NRG3: variants seen among roughly 807,000 people sequenced by gnomAD.
NRG3 encodes the protein pro-neuregulin-3, membrane-bound isoform.
NRG3 carries 31 observed loss-of-function variants against 66.9 expected under a neutral mutation model. The observed-to-expected ratio is 0.46, with a 90% CI of 0.35 to 0.63. The LOEUF is 0.63. Ranked by LOEUF, NRG3 falls within the 20% of genes least tolerant of loss-of-function variation. The pLI is 0.00. For synonymous variants in NRG3, 393 were observed against 359.4 expected, an observed-to-expected ratio of 1.09 and a Z score of -1.06; for missense variants, 910 against 878.9, an observed-to-expected ratio of 1.04 and a Z score of -0.45.
At chr10:82,438,473 T>C (rs2090260372) in intron 2 of NRG3, among the ~76,000 whole-genome samples, 2 of 152,264 alleles carry the variant, frequency 1.3e-5, no homozygotes, top group East Asian at 3.9e-4. Flanking sequence ...GAGCTTAGTG[T>C]GTTAGGCAGT....
chr10:82,503,608 C>G (rs1407306140), intron 2 of NRG3, among the ~76,000 whole-genome samples: 1 of 152,120 alleles, frequency 6.6e-6, no homozygotes, highest in Non-Finnish European at 1.5e-5. Context: ...GGCCCTCAAT[C>G]TATTTAGAAA....
intron 2 of NRG3, among the ~76,000 whole-genome samples, chr10:82,486,621 C>T (rs1842698902): frequency 1.3e-5 from 2 of 151,920 alleles, no homozygotes; most frequent in African/African-American, 4.8e-5. Context: ...ACCATGTTGG[C>T]GAGGCTGGTC....
rs577643407 is a variant in NRG3 at position 82,709,356 on chromosome 10, G to GT, written c.954-29212dup. ...TGTTTTTTGTTTGTTCCAGCAGCTG[G>GT]TTTTTTTTTGTTTTTGTTTTTTGTT... On this transcript the variant is annotated intron_variant, in intron 2 of 8. Coordinates refer to ENST00000372141, the MANE Select transcript of NRG3 (RefSeq NM_001010848.4). 4.4e-3 allele frequency among the ~76,000 whole-genome samples: 656 copies of GT among 147,986 alleles called. 3 individuals are homozygous for GT. The highest frequency in any genetic ancestry group is 0.014 in the Middle Eastern group (4 of 288).
chr10:82,306,574 G>A (rs1411917743), intron 1 of NRG3, among the ~76,000 whole-genome samples: 1 of 151,800 alleles, frequency 6.6e-6, no homozygotes, highest in Non-Finnish European at 1.5e-5. Context: ...CGTGGTGGTG[G>A]TCGTCTGTAG....
At chr10:82,819,280 A>T (rs1472352134) in intron 3 of NRG3, among the ~76,000 whole-genome samples, 1 of 152,234 alleles carries the variant, frequency 6.6e-6, no homozygotes, top group Admixed American at 6.5e-5. Flanking sequence ...TGCTATGTCA[A>T]CTATGCTGGA....
intron 1 of NRG3, among the ~76,000 whole-genome samples, chr10:82,274,456 C>T (rs952299541): frequency 6.6e-6 from 1 of 151,868 alleles, no homozygotes; most frequent in African/African-American, 2.4e-5. Context: ...TTAAAATTTT[C>T]ACAGTAAGTA....
At chr10:82,192,141 T>C (rs570502583) in intron 1 of NRG3, among the ~76,000 whole-genome samples, 30 of 152,202 alleles carry the variant, frequency 2.0e-4, no homozygotes, top group Non-Finnish European at 3.4e-4. Context: ...AACGCCAGAC[T>C]CCCCCTTCTG....
chr10:82,402,363 C>G (rs928545447), intron 2 of NRG3, among the ~76,000 whole-genome samples: 4 of 152,054 alleles, frequency 2.6e-5, no homozygotes, highest in African/African-American at 9.7e-5. Flanking sequence ...TATAGCTGTG[C>G]CTAGTTAGTA....
intron 1 of NRG3, among the ~76,000 whole-genome samples, chr10:82,102,133 CAT>C (rs369498870): frequency 0.028 from 727 of 26,240 alleles, 11 homozygotes; most frequent in Non-Finnish European, 0.038. Context: ...TATGTGTATT[CAT>C]ATATATATAT....
intron 3 of NRG3, among the ~76,000 whole-genome samples, chr10:82,775,701 T>G (rs2059888120): frequency 6.6e-6 from 1 of 152,194 alleles, no homozygotes; most frequent in Admixed American, 6.5e-5. Context: ...TAGTGAGGTA[T>G]TGGCATCCAC....
chr10:82,647,649 C>T (rs1330216069), intron 2 of NRG3, among the ~76,000 whole-genome samples: 3 of 150,212 alleles, frequency 2.0e-5, no homozygotes, highest in Admixed American at 6.6e-5. Context: ...TATTTCTCCA[C>T]ATCCTCTCCA....
At chr10:82,380,309 C>T (rs750838292) in intron 2 of NRG3, among the ~76,000 whole-genome samples, 4 of 151,894 alleles carry the variant, frequency 2.6e-5, no homozygotes, top group South Asian at 2.1e-4. Flanking sequence ...TTTAAAAATA[C>T]GTATTACTCT....
intron 2 of NRG3, among the ~76,000 whole-genome samples, chr10:82,584,965 A>G (rs1413020105): frequency 7.4e-6 from 1 of 135,266 alleles, no homozygotes; most frequent in Admixed American, 7.8e-5. Flanking sequence ...TTCCCCAAGC[A>G]ATTGTTGTTG....
chr10:82,232,012 T>C (rs1033729743), intron 1 of NRG3, among the ~76,000 whole-genome samples: 1 of 152,196 alleles, frequency 6.6e-6, no homozygotes, highest in Non-Finnish European at 1.5e-5. Context: ...ACTCTAAGCA[T>C]AGGACTAAGA....
intron 1 of NRG3, among the ~76,000 whole-genome samples, chr10:82,228,384 G>C (rs954406786): frequency 2.0e-5 from 3 of 152,010 alleles, no homozygotes; most frequent in African/African-American, 7.2e-5. Context: ...ATTTCTAAGA[G>C]AAAAATAACT....
chr10:82,077,144 G>A (rs943538029), intron 1 of NRG3, among the ~76,000 whole-genome samples: 4 of 152,144 alleles, frequency 2.6e-5, no homozygotes, highest in African/African-American at 9.7e-5. Flanking sequence ...TTTAGAGCCA[G>A]CATGAACACA....
chr10:82,393,212 T>C (rs965288950), intron 2 of NRG3, among the ~76,000 whole-genome samples: 1 of 152,130 alleles, frequency 6.6e-6, no homozygotes, highest in Non-Finnish European at 1.5e-5. Context: ...AGTAGTGTTT[T>C]CCTAGAAGAC....
intron 2 of NRG3, among the ~76,000 whole-genome samples, chr10:82,699,796 C>T (rs1353746907): frequency 6.6e-6 from 1 of 152,030 alleles, no homozygotes; most frequent in Non-Finnish European, 1.5e-5. Flanking sequence ...TTCTCCAGAA[C>T]ACAATACTGC....
At chr10:82,120,437 T>C (rs1486414822) in intron 1 of NRG3, among the ~76,000 whole-genome samples, 1 of 152,172 alleles carries the variant, frequency 6.6e-6, no homozygotes, top group African/African-American at 2.4e-5. Context: ...TTTAAAGAAG[T>C]TCAGAGATAG....
Sources: gnomAD v4.1 joint callset for allele counts (sites outside exome capture counted in the v4.1 genomes callset) on GRCh38, gnomAD v4.1.1 for gene constraint, MANE v1.5 for transcripts, NCBI Gene and HGNC (gene_info 2026-07-23, HGNC 2026-07-21) for gene names.